ERC2: variants seen among roughly 807,000 people sequenced by gnomAD.
ERC2 encodes the protein ERC protein 2.
A neutral mutation model predicts 114.8 loss-of-function variants in ERC2; 42 were observed. That is an observed-to-expected ratio of 0.37 (90% CI 0.29 to 0.47). The LOEUF is 0.47. Ranked by LOEUF, ERC2 falls within the 20% of genes least tolerant of loss-of-function variation. The pLI is 0.99. For synonymous variants in ERC2, 454 were observed against 425.5 expected (o/e 1.07, Z -0.82); for missense variants, 939 against 1,150.7 (o/e 0.82, Z 2.66).
chr3:55,869,228 G>T (rs1033483675), intron 14 of ERC2, among the ~76,000 whole-genome samples: 18 of 152,128 alleles, frequency 1.2e-4, no homozygotes, highest in African/African-American at 4.1e-4. Flanking sequence ...GAAAATGGAG[G>T]AAAAAGGGGG....
At chr3:55,857,793 C>A (rs1342465045) in intron 14 of ERC2, among the ~76,000 whole-genome samples, 1 of 152,124 alleles carries the variant, frequency 6.6e-6, no homozygotes, top group East Asian at 1.9e-4. Flanking sequence ...AAGGTCCTTC[C>A]CTCATCATGA....
rs202147467 is a variant in ERC2 at position 56,362,345 on chromosome 3, A to T, written c.658-65910T>A. 8.5e-5 allele frequency among the ~76,000 whole-genome samples: 13 copies of T among 152,350 alleles called. No individual in the cohort carries two copies. The East Asian group carries it at 2.5e-3, about 29-fold the overall frequency. ...ATAAGGAAAACACCTTTAGATTCAC[A>T]TAACACATTGGTAGGAGAGAGAGGG... On this transcript the variant is annotated intron_variant, in intron 2 of 17. Coordinates refer to ENST00000288221, the MANE Select transcript of ERC2 (RefSeq NM_015576.3).
chr3:56,140,851 C>T (rs1481157069), intron 5 of ERC2, among the ~76,000 whole-genome samples: 1 of 151,970 alleles, frequency 6.6e-6, no homozygotes, highest in African/African-American at 2.4e-5. Flanking sequence ...TGGTGAAACC[C>T]CCTCTCCACT....
At chr3:55,846,661 C>A (rs2061373779) in intron 14 of ERC2, among the ~76,000 whole-genome samples, 1 of 148,244 alleles carries the variant, frequency 6.7e-6, no homozygotes, top group African/African-American at 2.5e-5. Flanking sequence ...TTATTTCATC[C>A]TTATTCATTC....
intron 3 of ERC2, among the ~76,000 whole-genome samples, chr3:56,275,322 C>A (rs2053921799): frequency 6.6e-6 from 1 of 152,094 alleles, no homozygotes. Flanking sequence ...GTAGTACGGC[C>A]AATGAAAACA....
intron 1 of ERC2, among the ~76,000 whole-genome samples, chr3:56,435,529 C>T (rs2061979559): frequency 1.3e-5 from 2 of 152,210 alleles, no homozygotes; most frequent in South Asian, 4.1e-4. Flanking sequence ...AAAGGCCCCT[C>T]CTTTGGGGCA....
intron 7 of ERC2, among the ~76,000 whole-genome samples, chr3:56,031,673 T>C (rs1284134821): frequency 1.3e-5 from 2 of 152,180 alleles, no homozygotes; most frequent in Non-Finnish European, 2.9e-5. Context: ...ATCTGTAAAC[T>C]GACTGGCAAA....
chr3:55,597,191 T>C (rs9827520), intron 17 of ERC2, among the ~76,000 whole-genome samples: 4,920 of 152,112 alleles, frequency 0.032, 263 homozygotes, highest in African/African-American at 0.11. Flanking sequence ...GAGGCCGAGG[T>C]GGGCGGATCA....
At chr3:55,871,407 A>G (rs141318391) in intron 14 of ERC2, among the ~76,000 whole-genome samples, 649 of 152,310 alleles carry the variant, frequency 4.3e-3, no homozygotes, top group Middle Eastern at 0.014. Flanking sequence ...ACCTCACCAG[A>G]GATTCAGGTG....
intron 10 of ERC2, among the ~76,000 whole-genome samples, chr3:55,993,170 T>A (rs143501930): frequency 6.6e-6 from 1 of 152,262 alleles, no homozygotes; most frequent in East Asian, 1.9e-4. Flanking sequence ...CCTAATTGAC[T>A]TCTTCAAAGA....
intron 14 of ERC2, among the ~76,000 whole-genome samples, chr3:55,749,668 C>T (rs185962972): frequency 4.6e-5 from 7 of 152,240 alleles, no homozygotes; most frequent in South Asian, 2.1e-4. Flanking sequence ...GATTGAAAAA[C>T]GGGCACTCCG....
intron 3 of ERC2, among the ~76,000 whole-genome samples, chr3:56,193,506 C>CA (rs369281879): frequency 0.048 from 6,135 of 128,492 alleles, 148 homozygotes; most frequent in Middle Eastern, 0.074. Flanking sequence ...GACTCTGTCT[C>CA]AAAAAAAAAA....
chr3:55,587,256 C>T (rs534268287), intron 17 of ERC2, among the ~76,000 whole-genome samples: 4 of 152,230 alleles, frequency 2.6e-5, no homozygotes, highest in Middle Eastern at 3.4e-3. Flanking sequence ...CAGGTTCAAG[C>T]GATTCTCCTG....
intron 14 of ERC2, among the ~76,000 whole-genome samples, chr3:55,747,065 C>G (rs1046652942): frequency 5.9e-5 from 9 of 152,150 alleles, no homozygotes; most frequent in Admixed American, 3.3e-4. Context: ...CTCTAATAAT[C>G]TATATTCAGA....
chr3:56,289,479 C>A (rs760110292), intron 3 of ERC2, among the ~76,000 whole-genome samples: 4 of 152,214 alleles, frequency 2.6e-5, no homozygotes, highest in African/African-American at 9.6e-5. Context: ...CCAGAGCCCA[C>A]AGAGTAAAGC....
chr3:55,798,814 C>T (rs1012073544), intron 14 of ERC2, among the ~76,000 whole-genome samples: 15 of 150,948 alleles, frequency 9.9e-5, no homozygotes, highest in Non-Finnish European at 1.9e-4. Context: ...GGTTTATCAC[C>T]AATAGACCTA....
intron 17 of ERC2, among the ~76,000 whole-genome samples, chr3:55,627,176 T>G (rs957370691): frequency 2.6e-5 from 4 of 152,164 alleles, no homozygotes; most frequent in African/African-American, 9.7e-5. Context: ...CTTCAGAAAT[T>G]TCTTCTTTTG....
chr3:55,953,224 G>A (rs1217131289), intron 12 of ERC2, among the ~76,000 whole-genome samples: 4 of 149,428 alleles, frequency 2.7e-5, no homozygotes, highest in Non-Finnish European at 6.0e-5. Context: ...AAAAAAGAAT[G>A]AGTGGCTGAG....
intron 3 of ERC2, among the ~76,000 whole-genome samples, chr3:56,192,915 C>A (rs1197037345): frequency 1.3e-5 from 2 of 152,154 alleles, no homozygotes; most frequent in Non-Finnish European, 2.9e-5. Flanking sequence ...AGGTCTCCCA[C>A]TAAGTAGTAC....
Sources: allele counts gnomAD v4.1 joint callset (sites outside exome capture counted in the v4.1 genomes callset), GRCh38; gene constraint gnomAD v4.1.1; transcripts MANE v1.5; gene names NCBI Gene and HGNC (gene_info 2026-07-23, HGNC 2026-07-21).